Variants in TENM1 observed in about 807,000 individuals in gnomAD.
TENM1 encodes the protein teneurin transmembrane protein 1, also known as teneurin-1.
In TENM1, 35 loss-of-function variants were observed where a neutral mutation model predicts 174.8. That is an observed-to-expected ratio of 0.20 (90% CI 0.15 to 0.27). TENM1 has a LOEUF of 0.27. Ranked by LOEUF, TENM1 falls within the 10% of genes least tolerant of loss-of-function variation. The pLI, the probability that TENM1 is intolerant of heterozygous loss-of-function variation, is 1.00. For synonymous variants in TENM1, 781 were observed against 798.7 expected, an observed-to-expected ratio of 0.98 and a Z score of 0.37; for missense variants, 1,633 against 2,130.1, an observed-to-expected ratio of 0.77 and a Z score of 4.59.
intron 3 of TENM1, among the ~76,000 whole-genome samples, chrX:124,816,664 G>A (rs1023468711): frequency 9.0e-6 from 1 of 110,924 alleles, no homozygotes; most frequent in South Asian, 3.8e-4. Flanking sequence ...ACATTTTCCT[G>A]TAGAAAACTT....
At chrX:124,918,416 G>T (rs2057964057) in intron 1 of TENM1, among the ~76,000 whole-genome samples, 1 of 110,464 alleles carries the variant, frequency 9.1e-6, no homozygotes, top group African/African-American at 3.3e-5. Context: ...CTGACCTCAG[G>T]TGATCCACCT....
chrX:124,516,647 C>A (rs753296309), intron 18 of TENM1, among the ~76,000 whole-genome samples: 1 of 110,841 alleles, frequency 9.0e-6, no homozygotes, highest in African/African-American at 3.3e-5. Context: ...TTAAAAAAGT[C>A]AAAAAATAAT....
chrX:124,967,243 G>A (rs1358006319), upstream of TENM1, among the ~76,000 whole-genome samples: 3 of 111,181 alleles, frequency 2.7e-5, no homozygotes, highest in East Asian at 8.5e-4. Context: ...GGAAACCTAA[G>A]AAGAAAGGTG....
intron 3 of TENM1, among the ~76,000 whole-genome samples, chrX:124,801,036 T>C (rs1486430853): frequency 1.8e-5 from 2 of 111,929 alleles, no homozygotes; most frequent in Non-Finnish European, 3.8e-5. Context: ...GATTTTGGAA[T>C]AAGTGCCATG....
intron 3 of TENM1, among the ~76,000 whole-genome samples, chrX:124,860,512 G>A (rs898010096): frequency 9.0e-6 from 1 of 111,563 alleles, no homozygotes; most frequent in Non-Finnish European, 1.9e-5. Flanking sequence ...ATGCTGTCAG[G>A]AGAAAACGAT....
chrX:124,587,111 G>T (rs1158394074), intron 11 of TENM1, among the ~76,000 whole-genome samples: 16 of 107,515 alleles, frequency 1.5e-4, no homozygotes, highest in Admixed American at 1.3e-3. Flanking sequence ...TGGCCATACT[G>T]CCCAAGGTAA....
At position 124,772,096 on chromosome X, in the gene TENM1, G is replaced by C. The variant is rs1236384196; in HGVS notation, c.536-34899C>G. On this transcript the variant is annotated intron_variant, in intron 3 of 31. Transcript: ENST00000422452. ...TATTGCTTTTAAAGTTCTTAAAATA[G>C]TTTATTCTCTTAGGCAGGTGAACCA... Among the ~76,000 whole-genome samples, 3 of 110,685 alleles carry C rather than the reference G, an allele frequency of 2.7e-5. No homozygotes were observed. The Admixed American group carries it at 2.9e-4, about 11-fold the overall frequency.
the TENM1 span, among the ~76,000 whole-genome samples, chrX:125,047,717 C>T: frequency 4.0e-4 from 45 of 111,477 alleles, no homozygotes; most frequent in Non-Finnish European, 7.5e-4. Context: ...TAATTTGGTG[C>T]ATAGTCAAGT....
the TENM1 span, among the ~76,000 whole-genome samples, chrX:124,980,965 G>C: frequency 5.2e-3 from 587 of 111,923 alleles, 3 homozygotes; most frequent in African/African-American, 0.018. Context: ...TTTGAAATTT[G>C]TACTTTCCTC....
chrX:124,844,922 A>G (rs2056578204), intron 3 of TENM1, among the ~76,000 whole-genome samples: 2 of 111,131 alleles, frequency 1.8e-5, no homozygotes, highest in South Asian at 7.6e-4. Flanking sequence ...AAGCTTGTTA[A>G]AACTACAGAT....
the TENM1 span, among the ~76,000 whole-genome samples, chrX:125,072,600 T>C: frequency 5.5e-3 from 619 of 111,773 alleles, 2 homozygotes; most frequent in African/African-American, 0.019. Context: ...AGGGGTGTAA[T>C]GAACAAGAAA....
chrX:124,684,822 A>G (rs1473863962), intron 5 of TENM1, among the ~76,000 whole-genome samples: 1 of 111,461 alleles, frequency 9.0e-6, no homozygotes, highest in African/African-American at 3.3e-5. Flanking sequence ...GGCCTACCCT[A>G]GGGCCAGGCC....
chrX:124,638,152 T>A (rs1214098136), intron 11 of TENM1, among the ~76,000 whole-genome samples: 3 of 110,892 alleles, frequency 2.7e-5, no homozygotes, highest in Admixed American at 9.6e-5. Context: ...GGGGTAGGGT[T>A]TAGGGTACTT....
At chrX:124,666,132 T>C (rs1264313913) in intron 6 of TENM1, among the ~76,000 whole-genome samples, 1 of 111,961 alleles carries the variant, frequency 8.9e-6, no homozygotes, top group Non-Finnish European at 1.9e-5. Flanking sequence ...CGTCATTTTT[T>C]TTCAACTTTG....
intron 1 of TENM1, among the ~76,000 whole-genome samples, chrX:124,901,944 GA>G (rs1213544849): frequency 1.8e-5 from 2 of 111,779 alleles, no homozygotes; most frequent in African/African-American, 6.5e-5. Flanking sequence ...AAATAAAGGA[GA>G]GGGGGGAGGG....
At chrX:124,639,860 A>C (rs1195650527) in intron 11 of TENM1, among the ~76,000 whole-genome samples, 1 of 111,413 alleles carries the variant, frequency 9.0e-6, no homozygotes, top group Non-Finnish European at 1.9e-5. Context: ...TTAGTAAGTA[A>C]ATTAATAATC....
the TENM1 span, among the ~76,000 whole-genome samples, chrX:125,076,779 C>G: frequency 9.0e-6 from 1 of 111,707 alleles, no homozygotes; most frequent in Non-Finnish European, 1.9e-5. Context: ...AAAACTCTTA[C>G]CATCTTCCTC....
At chrX:125,102,320 G>A in the TENM1 span, among the ~76,000 whole-genome samples, 1 of 108,635 alleles carries the variant, frequency 9.2e-6, no homozygotes, top group Admixed American at 9.9e-5. Context: ...GTATGTATCA[G>A]CTAAAGATCC....
intron 28 of TENM1, among the ~76,000 whole-genome samples, chrX:124,390,986 A>G (rs565087721): frequency 2.7e-5 from 3 of 112,370 alleles, no homozygotes; most frequent in South Asian, 3.7e-4. Flanking sequence ...CTGGCTCCCA[A>G]GTGAACTCTG....
Sources: gnomAD v4.1 joint callset for allele counts (sites outside exome capture counted in the v4.1 genomes callset) on GRCh38, gnomAD v4.1.1 for gene constraint, MANE v1.5 for transcripts, NCBI Gene and HGNC (gene_info 2026-07-23, HGNC 2026-07-21) for gene names.